PLPP1: variants seen among roughly 807,000 people sequenced by gnomAD.
PLPP1 encodes the protein phospholipid phosphatase 1.
PLPP1 carries 24 observed loss-of-function variants against 31.2 expected under a neutral mutation model. That is an observed-to-expected ratio of 0.77 (90% CI 0.56 to 1.08). The LOEUF (loss-of-function observed/expected upper bound fraction) is 1.08. Ranked by LOEUF, PLPP1 falls within the 50% of genes least tolerant of loss-of-function variation. The pLI is 0.00. For missense variants in PLPP1, 319 were observed against 342.7 expected, an observed-to-expected ratio of 0.93 and a Z score of 0.55; for synonymous variants, 146 against 126.3, an observed-to-expected ratio of 1.16 and a Z score of -1.05.
chr5:55,433,227 G>T (rs1041802752), intron 4 of PLPP1, among the ~76,000 whole-genome samples: 75 of 151,186 alleles, frequency 5.0e-4, no homozygotes, highest in Non-Finnish European at 7.4e-4. Context: ...GGAAGCTGAG[G>T]TGGGAGCATC....
chr5:55,526,689 T>C (rs1229982577), intron 1 of PLPP1, among the ~76,000 whole-genome samples: 1 of 152,070 alleles, frequency 6.6e-6, no homozygotes, highest in Non-Finnish European at 1.5e-5. Flanking sequence ...TCCCAGCACT[T>C]TGGGAGGCCG....
At chr5:55,427,504 A>AAAT (rs1328529433) in intron 4 of PLPP1, among the ~76,000 whole-genome samples, 1 of 152,158 alleles carries the variant, frequency 6.6e-6, no homozygotes, top group African/African-American at 2.4e-5. Context: ...GTCAAATCAA[A>AAAT]AATAGCAACT....
chr5:55,516,239 A>G (rs1753552982), intron 1 of PLPP1, among the ~76,000 whole-genome samples: 1 of 152,050 alleles, frequency 6.6e-6, no homozygotes, highest in Non-Finnish European at 1.5e-5. Context: ...CCACCTCTTT[A>G]GTCTCACTGC....
chr5:55,435,569 AT>A (rs1751472678), intron 4 of PLPP1, among the ~76,000 whole-genome samples: 2 of 152,210 alleles, frequency 1.3e-5, no homozygotes, highest in South Asian at 4.1e-4. Flanking sequence ...AGTAAATGTC[AT>A]TTATCAAAAG....
intron 3 of PLPP1, among the ~76,000 whole-genome samples, chr5:55,465,301 T>C (rs925554436): frequency 3.9e-5 from 6 of 152,184 alleles, no homozygotes; most frequent in Non-Finnish European, 7.4e-5. Context: ...TGCCTCTGCC[T>C]CCCAAAGTGC....
chr5:55,530,070 T>A (rs1392253750), intron 1 of PLPP1: 1 of 735,594 alleles, frequency 1.4e-6, no homozygotes, highest in East Asian at 2.5e-5. Flanking sequence ...AATATACACA[T>A]CAAGTTACTG....
chr5:55,450,929 C>G (rs555611091), intron 3 of PLPP1, among the ~76,000 whole-genome samples: 58 of 152,272 alleles, frequency 3.8e-4, no homozygotes, highest in African/African-American at 1.3e-3. Flanking sequence ...TTTTAAATCA[C>G]TTTCTAAAGT....
At chr5:55,493,963 T>G (rs1440439104) in intron 1 of PLPP1, among the ~76,000 whole-genome samples, 1 of 151,974 alleles carries the variant, frequency 6.6e-6, no homozygotes, top group Non-Finnish European at 1.5e-5. Context: ...AAGGATCACT[T>G]GAGCCCAAGA....
chr5:55,464,626 T>A (rs1402697314), intron 3 of PLPP1, among the ~76,000 whole-genome samples: 1 of 152,086 alleles, frequency 6.6e-6, no homozygotes, highest in Non-Finnish European at 1.5e-5. Context: ...CTGTGTTATA[T>A]CCATACAATC....
intron 1 of PLPP1, chr5:55,530,412 AG>A: frequency 7.9e-7 from 1 of 1,264,290 alleles, no homozygotes; most frequent in Non-Finnish European, 1.2e-6. Context: ...TTCTTGACAC[AG>A]GGGACACTTA....
intron 1 of PLPP1, among the ~76,000 whole-genome samples, chr5:55,502,549 A>G (rs1317275782): frequency 1.3e-5 from 2 of 152,130 alleles, no homozygotes; most frequent in East Asian, 3.9e-4. Context: ...TAGTCACATG[A>G]GGCTACAGAG....
chr5:55,468,286 T>C (rs976319597), intron 2 of PLPP1, 137 bp from the exon 3 acceptor site: 7 of 753,320 alleles, frequency 9.3e-6, no homozygotes, highest in Non-Finnish European at 1.4e-5. Flanking sequence ...CCCTTTTTTC[T>C]TTACAATGGA....
intron 1 of PLPP1, among the ~76,000 whole-genome samples, chr5:55,530,965 G>A (rs537492523): frequency 6.6e-6 from 1 of 152,326 alleles, no homozygotes; most frequent in South Asian, 2.1e-4. Flanking sequence ...TGACGGTGAC[G>A]GCCCGGGGCT....
At chr5:55,483,302 A>G (rs562968485) in intron 1 of PLPP1, among the ~76,000 whole-genome samples, 1 of 152,340 alleles carries the variant, frequency 6.6e-6, no homozygotes, top group East Asian at 1.9e-4. Flanking sequence ...ACAAGTGCTT[A>G]ATGGTATACA....
chr5:55,472,644 G>A (rs1010125567), intron 2 of PLPP1, among the ~76,000 whole-genome samples: 2 of 86,750 alleles, frequency 2.3e-5, no homozygotes, highest in African/African-American at 7.5e-5. Flanking sequence ...GACAGAGAGA[G>A]AGAAAGAAAG....
chr5:55,449,208 A>T (rs1751840008), intron 3 of PLPP1, among the ~76,000 whole-genome samples: 1 of 152,216 alleles, frequency 6.6e-6, no homozygotes, highest in Non-Finnish European at 1.5e-5. Flanking sequence ...TTTCACATTC[A>T]ATATAAAAAT....
chr5:55,431,431 T>G (rs1751344971), intron 4 of PLPP1, among the ~76,000 whole-genome samples: 1 of 152,172 alleles, frequency 6.6e-6, no homozygotes, highest in Non-Finnish European at 1.5e-5. Context: ...AGCCAAACTA[T>G]TCTCAGATCG....
intron 1 of PLPP1, among the ~76,000 whole-genome samples, chr5:55,513,591 A>T (rs1753489891): frequency 6.6e-6 from 1 of 152,086 alleles, no homozygotes; most frequent in Non-Finnish European, 1.5e-5. Context: ...TCTTGAAGAA[A>T]GCTGGCAAAT....
At chr5:55,448,221 C>T (rs961726520) in intron 3 of PLPP1, among the ~76,000 whole-genome samples, 6 of 152,088 alleles carry the variant, frequency 3.9e-5, no homozygotes, top group Admixed American at 2.6e-4. Context: ...TTATTATCTA[C>T]AAGAATCTCA....
Sources: allele counts gnomAD v4.1 joint callset (sites outside exome capture counted in the v4.1 genomes callset), GRCh38; gene constraint gnomAD v4.1.1; transcripts MANE v1.5; gene names NCBI Gene and HGNC (gene_info 2026-07-23, HGNC 2026-07-21).